Variants in RFX7 observed in about 807,000 individuals in gnomAD.
RFX7 encodes the protein DNA-binding protein RFX7.
A neutral mutation model predicts 111.8 loss-of-function variants in RFX7; 26 were observed. The ratio of observed to expected loss-of-function variants is 0.23; its 90% CI spans 0.17 to 0.32. RFX7 has a LOEUF of 0.32. RFX7 is among the 10% of genes least tolerant of loss of function. RFX7 has a pLI of 1.00. For missense variants in RFX7, 1,573 were observed against 1,772.9 expected (o/e 0.89, Z 2.02); for synonymous variants, 624 against 624.4 (o/e 1.00, Z 0.01).
At chr15:56,213,687 G>A (rs1264034793) in intron 2 of RFX7, among the ~76,000 whole-genome samples, 1 of 152,124 alleles carries the variant, frequency 6.6e-6, no homozygotes, top group Non-Finnish European at 1.5e-5. Context: ...GGGTAATAAA[G>A]GGTACACATG....
chr15:56,157,315 T>G (rs1335591089), intron 3 of RFX7, among the ~76,000 whole-genome samples: 1 of 152,242 alleles, frequency 6.6e-6, no homozygotes, highest in Non-Finnish European at 1.5e-5. Context: ...GTATCCTATA[T>G]TTTCTTTTTA....
intron 5 of RFX7, among the ~76,000 whole-genome samples, chr15:56,122,021 G>A (rs1441851467): frequency 6.6e-6 from 1 of 152,158 alleles, no homozygotes; most frequent in Non-Finnish European, 1.5e-5. Flanking sequence ...GGTCCCTGGT[G>A]CCTTATTTAG....
intron 5 of RFX7, 113 bp from the exon 6 acceptor site, chr15:56,103,783 G>A: frequency 1.5e-6 from 1 of 660,328 alleles, no homozygotes; most frequent in Non-Finnish European, 2.6e-6. Context: ...GATCTTTCAA[G>A]TCATTTGCCA....
intron 2 of RFX7, among the ~76,000 whole-genome samples, chr15:56,214,219 G>C (rs1441472260): frequency 1.3e-5 from 2 of 151,986 alleles, no homozygotes; most frequent in African/African-American, 4.8e-5. Flanking sequence ...GAGCACTTTG[G>C]CTATTCTAGG....
Position 56,090,072 on chromosome 15 carries a change from C to T in RFX7, c.*3273G>A, listed in dbSNP as rs1219190215. The T allele has an allele frequency of 2.6e-5, 4 of 152,162 alleles. No homozygotes were observed. Among genetic ancestry groups the T allele is most frequent in the African/African-American group, 9.7e-5 (4 of 41,426 alleles). 9.4% of individuals were successfully genotyped at this position (152,162 alleles called of 1,614,324 possible). A position where few individuals can be genotyped will look rare whatever the true frequency, so the allele number is the denominator to read the frequency against. ...CTGGCTACTTCGGCCTGCTTCCAGA[C>T]CTGTAGCCCAGCTTCTGGCTTACAA... On this transcript the variant is annotated 3_prime_UTR_variant, in exon 10 of 10. Transcript: ENST00000559447.
chr15:56,197,881 T>C (rs1248604456), intron 2 of RFX7, among the ~76,000 whole-genome samples: 1 of 152,184 alleles, frequency 6.6e-6, no homozygotes, highest in Non-Finnish European at 1.5e-5. Flanking sequence ...ATCTGGGCAC[T>C]GACTCTGCTT....
rs187188421 is a variant in RFX7 at position 56,097,939 on chromosome 15, C to A, written c.1107+142G>T. On this transcript the variant is annotated intron_variant, in intron 9 of 9. Coordinates refer to ENST00000559447, the MANE Select transcript of RFX7 (RefSeq NM_022841.7). The stretch of plus-strand genomic sequence containing the variant: ...AACAACATACATCCTGAATAAAAGA[C>A]TGAAGGGGAATGAATCTTCCTGTGG... 1.0e-3 allele frequency: 686 copies of A among 661,888 alleles called. 1 individual carries two copies. The highest frequency in any genetic ancestry group is 1.6e-3 in the Non-Finnish European group (611 of 384,316). 41.0% of individuals were successfully genotyped at this position (661,888 alleles called of 1,614,324 possible).
At position 56,089,643 on chromosome 15, in the gene RFX7, A is replaced by G. The variant is rs2041571105; in HGVS notation, c.*3702T>C. The G allele has an allele frequency of 6.6e-6, 1 of 151,984 alleles. No homozygotes were observed. The highest frequency in any genetic ancestry group is 2.1e-4 in the South Asian group (1 of 4,820). The allele number at this position is 151,984 out of a possible 1,614,324, so 9.4% of individuals were successfully genotyped here. A position where few individuals can be genotyped will look rare whatever the true frequency, so the allele number is the denominator to read the frequency against. ...CATTGAGCACTGAGGATCCTAACAT[A>G]CTAATTTTATAGTATTATCTAGGTA... On this transcript the variant is annotated 3_prime_UTR_variant, in exon 10 of 10. Transcript: ENST00000559447.
chr15:56,148,192 T>G (rs2042511610), intron 3 of RFX7, among the ~76,000 whole-genome samples: 1 of 152,206 alleles, frequency 6.6e-6, no homozygotes, highest in East Asian at 1.9e-4. Flanking sequence ...TGAACTCAAG[T>G]TTGATTTATA....
intron 5 of RFX7, among the ~76,000 whole-genome samples, chr15:56,138,778 C>T (rs1176645239): frequency 6.6e-6 from 1 of 151,632 alleles, no homozygotes; most frequent in Non-Finnish European, 1.5e-5. Context: ...CATGTTTAGC[C>T]CTTCCTTCAG....
At chr15:56,144,810 C>T (rs1205675670) in intron 3 of RFX7, among the ~76,000 whole-genome samples, 2 of 152,128 alleles carry the variant, frequency 1.3e-5, no homozygotes, top group Non-Finnish European at 2.9e-5. Context: ...AGGACAAGTA[C>T]TGGACCAGGA....
intron 2 of RFX7, among the ~76,000 whole-genome samples, chr15:56,230,129 A>G (rs368238603): frequency 2.0e-5 from 3 of 152,182 alleles, no homozygotes; most frequent in Non-Finnish European, 2.9e-5. Context: ...GCCATCTCCA[A>G]TTCAATGTTA....
At chr15:56,129,531 C>G (rs1400411727) in intron 5 of RFX7, among the ~76,000 whole-genome samples, 1 of 152,010 alleles carries the variant, frequency 6.6e-6, no homozygotes, top group Non-Finnish European at 1.5e-5. Context: ...AGGAAAAAAA[C>G]TGTTGAACCT....
chr15:56,102,364 C>T, intron 6 of RFX7, 111 bp from the exon 7 acceptor site: 1 of 571,524 alleles, frequency 1.7e-6, no homozygotes. Flanking sequence ...CATGACATAA[C>T]ATCTACTTTC....
chr15:56,243,836 G>A lies in RFX7; in HGVS notation c.-394C>T, dbSNP rs1203612503. Among the ~76,000 whole-genome samples, 1 of 147,348 alleles carries A rather than the reference G, an allele frequency of 6.8e-6. No homozygotes were observed. The highest frequency in any genetic ancestry group is 2.1e-4 in the South Asian group (1 of 4,828). On this transcript the variant is annotated 5_prime_UTR_variant, in exon 1 of 10. Coordinates refer to ENST00000559447, the MANE Select transcript of RFX7 (RefSeq NM_022841.7). ...TCCCGGCCCCGCCGCCGCCGCGGCC[G>A]CCGCTGCCCTGCCAGCCCCGGAGGC...
In RFX7 at chr15:56,119,514, C is replaced by T. The variant is rs181762490; in HGVS notation, c.402-15844G>A. Among the ~76,000 whole-genome samples the T allele has an allele frequency of 4.5e-3, 687 of 152,054 alleles. 11 individuals carry two copies. Among genetic ancestry groups the T allele is most frequent in the African/African-American group, 0.016 (669 of 41,464 alleles). On this transcript the variant is annotated intron_variant, in intron 5 of 9. Coordinates refer to ENST00000559447, the MANE Select transcript of RFX7 (RefSeq NM_022841.7). The stretch of plus-strand genomic sequence containing the variant: ...TTCACTGGCTGGGTGCGGTGGCTCA[C>T]GCCTGTAATCCCAGCACTTTGGGAG...
intron 5 of RFX7, among the ~76,000 whole-genome samples, chr15:56,116,071 A>G (rs1370595317): frequency 5.3e-5 from 8 of 152,200 alleles, no homozygotes; most frequent in African/African-American, 1.7e-4. Flanking sequence ...TTCCTGAGTA[A>G]CCATCTCTCA....
At chr15:56,127,545 A>G (rs2042159672) in intron 5 of RFX7, among the ~76,000 whole-genome samples, 1 of 128,710 alleles carries the variant, frequency 7.8e-6, no homozygotes, top group Non-Finnish European at 1.7e-5. Context: ...TGTTTTTTTG[A>G]AAAGATTTTT....
In RFX7 at chr15:56,096,329, T is replaced by C. The variant is rs375171129; in HGVS notation, c.1399A>G (p.Met467Val). The part of the protein sequence containing the change: ...IKTAVVPASH[M>V]SSLNVVKMTT... ...ATTTTCACCACATTTAGAGAACTCA[T>C]GTGTGAAGCGGGTACAACAGCAGTT... The change falls in exon 10 of 10, where the codon ATG (methionine) becomes GTG (valine). Residue 467 changes from methionine to valine, a missense_variant. Physicochemically the swap from Met to Val is conservative, Grantham distance 21. Coordinates refer to ENST00000559447, the MANE Select transcript of RFX7 (RefSeq NM_022841.7). 1.4e-5 allele frequency: 22 copies of C among 1,613,964 alleles called. No individual in the cohort carries two copies. Among genetic ancestry groups the C allele is most frequent in the Non-Finnish European group, 1.8e-5 (21 of 1,179,866 alleles).
Sources: gnomAD v4.1 joint callset for allele counts (sites outside exome capture counted in the v4.1 genomes callset) on GRCh38, gnomAD v4.1.1 for gene constraint, MANE v1.5 for transcripts, NCBI Gene and HGNC (gene_info 2026-07-23, HGNC 2026-07-21) for gene names.